Variants in DLGAP2 observed in about 807,000 individuals in gnomAD.
DLGAP2 encodes disks large-associated protein 2.
A neutral mutation model predicts 100.3 loss-of-function variants in DLGAP2; 26 were observed. That is an observed-to-expected ratio of 0.26 (90% CI 0.19 to 0.36). DLGAP2 has a LOEUF of 0.36. Ranked by LOEUF, DLGAP2 falls within the 10% of genes least tolerant of loss-of-function variation. The pLI is 1.00. For synonymous variants in DLGAP2, 886 were observed against 630.1 expected (o/e 1.41, Z -6.08); for missense variants, 1,858 against 1,453.2 (o/e 1.28, Z -4.53).
intron 2 of DLGAP2, among the ~76,000 whole-genome samples, chr8:937,352 A>T (rs192078495): frequency 6.6e-6 from 1 of 152,338 alleles, no homozygotes; most frequent in East Asian, 1.9e-4. Flanking sequence ...CATCATCTCT[A>T]TTGTTTTAAA....
intron 1 of DLGAP2, chr8:893,223 G>A (rs1460661414): frequency 6.6e-6 from 1 of 152,162 alleles, no homozygotes; most frequent in East Asian, 1.9e-4. Context: ...CATGCGATGT[G>A]GGGTCATGGG....
At chr8:899,846 G>A (rs1365655043) in intron 1 of DLGAP2, among the ~76,000 whole-genome samples, 2 of 152,140 alleles carry the variant, frequency 1.3e-5, no homozygotes, top group South Asian at 2.1e-4. Flanking sequence ...GTAACTGCAC[G>A]TATTTCACAG....
chr8:1,662,830 AGT>A (rs1025448887), intron 8 of DLGAP2, among the ~76,000 whole-genome samples: 1 of 148,590 alleles, frequency 6.7e-6, no homozygotes, highest in Non-Finnish European at 1.5e-5. Flanking sequence ...TACATGTGTG[AGT>A]GTGGGGAATG....
At chr8:1,444,315 G>A (rs1005840388) in intron 3 of DLGAP2, among the ~76,000 whole-genome samples, 1 of 152,152 alleles carries the variant, frequency 6.6e-6, no homozygotes, top group African/African-American at 2.4e-5. Context: ...ATATTAATGG[G>A]CACTTACACG....
intron 8 of DLGAP2, among the ~76,000 whole-genome samples, chr8:1,635,849 G>A (rs1006478739): frequency 2.6e-5 from 4 of 152,176 alleles, no homozygotes; most frequent in African/African-American, 9.7e-5. Flanking sequence ...GGTTCCCAGA[G>A]GACGTCTGTT....
intron 3 of DLGAP2, among the ~76,000 whole-genome samples, chr8:1,329,078 T>C (rs17747908): frequency 0.6 from 91,426 of 151,576 alleles, 29,310 homozygotes; most frequent in African/African-American, 0.84. Context: ...AGGCGACAGG[T>C]GACAAGCGAC....
intron 2 of DLGAP2, among the ~76,000 whole-genome samples, chr8:1,048,714 T>G (rs893545206): frequency 3.9e-5 from 6 of 152,088 alleles, no homozygotes; most frequent in South Asian, 2.1e-4. Flanking sequence ...GCCCTAGACC[T>G]GGAACTGGGG....
At chr8:1,490,459 A>T (rs1247792897) in intron 3 of DLGAP2, among the ~76,000 whole-genome samples, 3 of 152,232 alleles carry the variant, frequency 2.0e-5, no homozygotes, top group African/African-American at 7.2e-5. Context: ...AATGCCTGAA[A>T]AAGTTCTATC....
At chr8:1,667,142 C>T (rs1247890660) in intron 8 of DLGAP2, among the ~76,000 whole-genome samples, 1 of 152,200 alleles carries the variant, frequency 6.6e-6, no homozygotes, top group African/African-American at 2.4e-5. Context: ...GCACTTTTAT[C>T]AGCTCTTCCT....
chr8:1,305,016 A>G (rs1800455827), intron 3 of DLGAP2, among the ~76,000 whole-genome samples: 1 of 152,214 alleles, frequency 6.6e-6, no homozygotes, highest in Non-Finnish European at 1.5e-5. Flanking sequence ...GAGGTATCAT[A>G]CATGGTTTCC....
At chr8:918,160 G>A (rs1192417920) in intron 2 of DLGAP2, among the ~76,000 whole-genome samples, 1 of 152,150 alleles carries the variant, frequency 6.6e-6, no homozygotes, top group Non-Finnish European at 1.5e-5. Flanking sequence ...GAATTCCGAA[G>A]GCATTCTTTC....
chr8:857,396 C>G (rs1030714702), intron 1 of DLGAP2, among the ~76,000 whole-genome samples: 2 of 152,202 alleles, frequency 1.3e-5, no homozygotes, highest in Non-Finnish European at 1.5e-5. Context: ...GATGGAACAA[C>G]AAAGTCCAGA....
chr8:835,368 T>G (rs1034137558), intron 1 of DLGAP2, among the ~76,000 whole-genome samples: 1 of 152,080 alleles, frequency 6.6e-6, no homozygotes, highest in African/African-American at 2.4e-5. Flanking sequence ...TCCAGAGACA[T>G]TGGGAGAAAT....
chr8:1,222,860 G>A (rs781590406), intron 2 of DLGAP2, among the ~76,000 whole-genome samples: 11 of 152,106 alleles, frequency 7.2e-5, no homozygotes, highest in African/African-American at 1.9e-4. Flanking sequence ...TCAGAGGGGC[G>A]TTCAGATCAG....
At chr8:1,236,956 A>G (rs1487394113) in intron 2 of DLGAP2, among the ~76,000 whole-genome samples, 2 of 140,372 alleles carry the variant, frequency 1.4e-5, no homozygotes, top group African/African-American at 2.7e-5. Context: ...CGCCGTGTCT[A>G]GTTCTCTCAC....
intron 3 of DLGAP2, among the ~76,000 whole-genome samples, chr8:1,324,973 C>T (rs764132963): frequency 6.6e-6 from 1 of 152,160 alleles, no homozygotes; most frequent in Non-Finnish European, 1.5e-5. Flanking sequence ...ATGAGAATTA[C>T]GGATTCACAA....
At chr8:1,318,097 G>A (rs1467015280) in intron 3 of DLGAP2, among the ~76,000 whole-genome samples, 3 of 87,976 alleles carry the variant, frequency 3.4e-5, no homozygotes, top group African/African-American at 1.3e-4. Context: ...GTGTGCGAGT[G>A]CAGCGTCTCT....
chr8:903,138 C>T (rs1798297581), intron 1 of DLGAP2, among the ~76,000 whole-genome samples: 1 of 151,990 alleles, frequency 6.6e-6, no homozygotes, highest in Non-Finnish European at 1.5e-5. Flanking sequence ...ATCTTGTCGC[C>T]TCCATGCTCT....
intron 1 of DLGAP2, among the ~76,000 whole-genome samples, chr8:770,446 T>C (rs1821327570): frequency 6.6e-6 from 1 of 152,194 alleles, no homozygotes; most frequent in Non-Finnish European, 1.5e-5. Flanking sequence ...TTTTTTCTTA[T>C]AGAAATTGAA....
Sources: allele counts gnomAD v4.1 joint callset (sites outside exome capture counted in the v4.1 genomes callset), GRCh38; gene constraint gnomAD v4.1.1; transcripts MANE v1.5; gene names NCBI Gene and HGNC (gene_info 2026-07-23, HGNC 2026-07-21).